The following IGSF10 variants were observed in gnomAD, a reference collection of about 807,000 sequenced individuals.
IGSF10 encodes the protein immunoglobulin superfamily member 10.
IGSF10 carries 126 observed loss-of-function variants against 128.2 expected under a neutral mutation model. The observed-to-expected ratio is 0.98, with a 90% CI of 0.85 to 1.14. IGSF10 has a LOEUF of 1.14. Among genes scored for constraint, IGSF10 ranks in the 50% most tolerant of loss-of-function variants. The probability of loss-of-function intolerance (pLI) is 0.00; values close to 1 mark genes in which losing one functional copy is unlikely to be tolerated. For missense variants in IGSF10, 3,295 were observed against 3,149.8 expected (o/e 1.05, Z -1.10); for synonymous variants, 1,185 against 1,146.2 (o/e 1.03, Z -0.68).
the IGSF10 span, among the ~76,000 whole-genome samples, chr3:151,479,350 C>G: frequency 0.51 from 77,709 of 151,916 alleles, 20,333 homozygotes; most frequent in South Asian, 0.63. Flanking sequence ...TGAAAGCAAA[C>G]TTTTAAACGT....
the IGSF10 span, among the ~76,000 whole-genome samples, chr3:151,609,095 A>G: frequency 5.9e-5 from 9 of 152,182 alleles, no homozygotes; most frequent in African/African-American, 1.9e-4. Flanking sequence ...CTTGAAGAAG[A>G]TATTTGAGCT....
At chr3:151,564,224 G>A in the IGSF10 span, among the ~76,000 whole-genome samples, 3 of 151,716 alleles carry the variant, frequency 2.0e-5, no homozygotes, top group South Asian at 6.3e-4. Flanking sequence ...CATATTTTTA[G>A]GGCATTACAT....
chr3:151,527,757 C>T, the IGSF10 span, among the ~76,000 whole-genome samples: 1 of 151,860 alleles, frequency 6.6e-6, no homozygotes, highest in Non-Finnish European at 1.5e-5. Flanking sequence ...TGAGACCAGC[C>T]TGGGCAACAT....
At chr3:151,618,764 A>AT in the IGSF10 span, among the ~76,000 whole-genome samples, 1 of 150,016 alleles carries the variant, frequency 6.7e-6, no homozygotes, top group Non-Finnish European at 1.5e-5. Context: ...AAATAAATAA[A>AT]AAATTAAAAA....
At chr3:151,584,733 A>T in the IGSF10 span, among the ~76,000 whole-genome samples, 9 of 152,324 alleles carry the variant, frequency 5.9e-5, no homozygotes, top group South Asian at 1.9e-3. Context: ...AGTCAGTCCA[A>T]CATTTTGACA....
the IGSF10 span, among the ~76,000 whole-genome samples, chr3:151,472,133 A>AT: frequency 6.6e-6 from 1 of 152,342 alleles, no homozygotes; most frequent in Middle Eastern, 3.4e-3. Context: ...AAAATGGTTT[A>AT]TAACCAGTGT....
At chr3:151,458,439 G>T (rs577906098) in intron 3 of IGSF10, 77 bp downstream of exon 3, 3 of 1,037,762 alleles carry the variant, frequency 2.9e-6, no homozygotes, top group East Asian at 5.3e-5. Flanking sequence ...ATCTCCCAAA[G>T]TCATAGATGT....
At chr3:151,544,581 C>CCTA in the IGSF10 span, among the ~76,000 whole-genome samples, 2 of 152,166 alleles carry the variant, frequency 1.3e-5, no homozygotes, top group Admixed American at 6.5e-5. Flanking sequence ...TCCCTACCCA[C>CCTA]CTACCCACCC....
chr3:151,527,596 A>G, the IGSF10 span, among the ~76,000 whole-genome samples: 1 of 152,224 alleles, frequency 6.6e-6, no homozygotes, highest in African/African-American at 2.4e-5. Context: ...CCAGAAGATA[A>G]TTTCTAGTGT....
Position 151,437,174 on chromosome 3 carries a change from T to G in IGSF10, c.7387A>C (p.Asn2463His). 6.2e-7 allele frequency: 1 copy of G among 1,614,208 alleles called. No individual in the cohort carries two copies. Among genetic ancestry groups the G allele is most frequent in the East Asian group, 2.2e-5 (1 of 44,890 alleles). Residue 2463 changes from asparagine to histidine, a missense_variant, in exon 8 of 8, where the codon AAT (asparagine) becomes CAT (histidine). Physicochemically the swap from Asn to His is moderately conservative, Grantham distance 68 (BLOSUM62 1). Transcript: ENST00000282466. ...CCACTTGGCATAGTCCATTTGATAT[T>G]TGGCTTAGGGATTCCATCAGACACA... Reference protein sequence around the residue: ...HCVSDGIPKPNIKWTMPSGYV... With the variant: ...HCVSDGIPKPHIKWTMPSGYV...
chr3:151,582,494 ATATAATATATACCAT>A, the IGSF10 span, among the ~76,000 whole-genome samples: 1 of 152,150 alleles, frequency 6.6e-6, no homozygotes, highest in African/African-American at 2.4e-5. Context: ...AAATGGAATA[ATATAATATATACCAT>A]TTTGTGGCTG....
chr3:151,525,727 C>T, the IGSF10 span, among the ~76,000 whole-genome samples: 2 of 152,196 alleles, frequency 1.3e-5, no homozygotes, highest in African/African-American at 2.4e-5. Flanking sequence ...ACTCCATACC[C>T]TTACCCTTTG....
chr3:151,463,165 A>G (rs1033482786), upstream of IGSF10, among the ~76,000 whole-genome samples: 15 of 152,184 alleles, frequency 9.9e-5, no homozygotes, highest in Non-Finnish European at 1.9e-4. Context: ...TATGAGATAA[A>G]TCTCTACAAT....
Position 151,443,265 on chromosome 3 carries a change from C to T in IGSF10, c.5682G>A (p.Leu1894=). 1 of 1,611,618 alleles carries T rather than the reference C, an allele frequency of 6.2e-7. No individual in the cohort carries two copies. The highest frequency in any genetic ancestry group is 8.5e-7 in the Non-Finnish European group (1 of 1,178,562). ...ACAAAGTCCCATTTGAAAATAAGAA[C>T]AACTTGGAATTGGTAAACTGTAATG... ...VKPLQFTNSK[L]FLFSNGTLYI... Residue 1894 remains leucine, a synonymous_variant, in exon 7 of 8, where the codon TTG becomes TTA. Coordinates refer to ENST00000282466, the MANE Select transcript of IGSF10 (RefSeq NM_178822.5).
At chr3:151,462,354 C>T (rs576147660), upstream of IGSF10, among the ~76,000 whole-genome samples, 15 of 152,210 alleles carry the variant, frequency 9.9e-5, no homozygotes, top group East Asian at 1.2e-3. Context: ...AGAAACTGTA[C>T]GAAGGAGGCT....
the IGSF10 span, among the ~76,000 whole-genome samples, chr3:151,554,483 G>T: frequency 8.1e-5 from 12 of 147,552 alleles, no homozygotes; most frequent in Non-Finnish European, 1.5e-4. Flanking sequence ...CCATGTTTGG[G>T]TACCTTCTGT....
the IGSF10 span, among the ~76,000 whole-genome samples, chr3:151,576,712 A>C: frequency 6.6e-6 from 1 of 152,132 alleles, no homozygotes; most frequent in Non-Finnish European, 1.5e-5. Context: ...TAGCATACTA[A>C]AGGAAATTGC....
chr3:151,452,586 T>C (rs1183588002), intron 5 of IGSF10, among the ~76,000 whole-genome samples: 1 of 152,032 alleles, frequency 6.6e-6, no homozygotes, highest in African/African-American at 2.4e-5. Context: ...CAGTGTGTGA[T>C]TATGTGTGTG....
the IGSF10 span, among the ~76,000 whole-genome samples, chr3:151,474,412 C>T: frequency 2.0e-5 from 3 of 152,162 alleles, no homozygotes; most frequent in Non-Finnish European, 4.4e-5. Context: ...GTGGATGATA[C>T]GCTTGGGTTT....
Sources: allele counts gnomAD v4.1 joint callset (sites outside exome capture counted in the v4.1 genomes callset), GRCh38; gene constraint gnomAD v4.1.1; transcripts MANE v1.5; gene names NCBI Gene and HGNC (gene_info 2026-07-23, HGNC 2026-07-21).